Variants in LIPA observed in about 807,000 individuals in gnomAD.
LIPA encodes lipase A, lysosomal acid type.
A neutral mutation model predicts 40.6 loss-of-function variants in LIPA; 26 were observed. The observed-to-expected ratio is 0.64, with a 90% CI of 0.47 to 0.89. The LOEUF is 0.89. Among genes scored for constraint, LIPA ranks in the 40% least tolerant of loss-of-function variants. LIPA has a pLI of 0.00. For synonymous variants in LIPA, 188 were observed against 168.4 expected, an observed-to-expected ratio of 1.12 and a Z score of -0.90; for missense variants, 455 against 479.6, an observed-to-expected ratio of 0.95 and a Z score of 0.48.
At chr10:89,413,246 C>T (rs183000663) in intron 1 of LIPA, among the ~76,000 whole-genome samples, 1 of 152,254 alleles carries the variant, frequency 6.6e-6, no homozygotes, top group African/African-American at 2.4e-5. Context: ...TTTCTATTAA[C>T]TTATCAGTTT....
chr10:89,361,468 G>A (rs1257177134), intron 2 of LIPA, among the ~76,000 whole-genome samples: 8 of 152,170 alleles, frequency 5.3e-5, no homozygotes, highest in African/African-American at 1.4e-4. Context: ...AGAAAGGTGA[G>A]AAAGAGCTTC....
At chr10:89,368,526 T>G (rs1844073836) in intron 2 of LIPA, among the ~76,000 whole-genome samples, 1 of 152,230 alleles carries the variant, frequency 6.6e-6, no homozygotes, top group South Asian at 2.1e-4. Flanking sequence ...TCTCTTCTGC[T>G]GATGGATTTC....
chr10:89,258,161 CCAAGGTTCCATGA>C (rs910008093), intron 1 of LIPA, among the ~76,000 whole-genome samples: 2 of 152,148 alleles, frequency 1.3e-5, no homozygotes, highest in African/African-American at 4.8e-5. Context: ...TTGATTTTTA[CCAAGGTTCCATGA>C]CAATTCAATG....
At chr10:89,252,376 T>C (rs555930939), upstream of LIPA, among the ~76,000 whole-genome samples, 3 of 152,356 alleles carry the variant, frequency 2.0e-5, no homozygotes, top group South Asian at 4.1e-4. Flanking sequence ...AGTGGAGGTA[T>C]AGAAACCAAC....
chr10:89,319,340 G>C (rs1439784868), intron 1 of LIPA, among the ~76,000 whole-genome samples: 1 of 152,064 alleles, frequency 6.6e-6, no homozygotes. Flanking sequence ...AGAAAAGAGA[G>C]AAGAATCAAA....
At chr10:89,332,309 C>T (rs1843662372) in intron 1 of LIPA, among the ~76,000 whole-genome samples, 1 of 152,270 alleles carries the variant, frequency 6.6e-6, no homozygotes, top group African/African-American at 2.4e-5. Flanking sequence ...TGACATAACA[C>T]ATTTGGAAGC....
At chr10:89,253,532 T>C (rs111445995), upstream of LIPA, among the ~76,000 whole-genome samples, 874 of 152,300 alleles carry the variant, frequency 5.7e-3, 2 homozygotes, top group Non-Finnish European at 8.6e-3. Context: ...ACAGGAGCTA[T>C]AATTCAAGAT....
intron 3 of LIPA, among the ~76,000 whole-genome samples, chr10:89,236,456 T>C (rs1842905825): frequency 6.6e-6 from 1 of 152,226 alleles, no homozygotes; most frequent in African/African-American, 2.4e-5. Context: ...ATGTTTTTCA[T>C]CATGTTTAGC....
intron 8 of LIPA, among the ~76,000 whole-genome samples, chr10:89,219,240 C>T (rs1379914115): frequency 4.6e-5 from 7 of 151,530 alleles, no homozygotes; most frequent in Admixed American, 4.6e-4. Context: ...GGGTCACAGC[C>T]CTAGGAATTC....
At position 89,265,381 on chromosome 10, in the gene LIPA, G is replaced by A. The variant is rs551143625; in HGVS notation, c.-1-17732C>T. Reference sequence around the variant, plus strand: ...CATCTCCATGGAGTACACAGTCCTGGTCACACCTCCCCTGGTGCAGCTGGC... The same window carrying A: ...CATCTCCATGGAGTACACAGTCCTGATCACACCTCCCCTGGTGCAGCTGGC... On this transcript the variant is annotated intron_variant, in intron 1 of 5. Coordinates refer to the LIPA transcript ENST00000282673. Among the ~76,000 whole-genome samples, 18 of 152,262 alleles carry A rather than the reference G, an allele frequency of 1.2e-4. 1 individual carries two copies. The highest frequency in any genetic ancestry group is 4.1e-4 in the African/African-American group (17 of 41,556).
chr10:89,286,570 C>T (rs570218748), intron 1 of LIPA, among the ~76,000 whole-genome samples: 7 of 152,254 alleles, frequency 4.6e-5, no homozygotes, highest in South Asian at 2.1e-4. Flanking sequence ...AATCAGTTAG[C>T]GTTTAGGCTC....
At chr10:89,231,144 A>C (rs994241968) in intron 3 of LIPA, among the ~76,000 whole-genome samples, 1 of 152,244 alleles carries the variant, frequency 6.6e-6, no homozygotes, top group South Asian at 2.1e-4. Context: ...AGACTACTCT[A>C]AATTACAGCT....
chr10:89,377,944 C>T lies in LIPA; in HGVS notation c.61+34847G>A, dbSNP rs974157544. The T allele has an allele frequency of 8.8e-6, 5 of 571,174 alleles. 1 individual carries two copies. The highest frequency in any genetic ancestry group is 1.6e-5 in the Non-Finnish European group (5 of 315,962). 35.4% of individuals were successfully genotyped at this position (571,174 alleles called of 1,614,324 possible). On this transcript the variant is annotated intron_variant, in intron 2 of 8. Transcript: ENST00000371837. ...GTATTTGTAATCAAAGCAGAGACAGCCCTATTCCTCTGTATCATTTTCACC... is the reference window on the plus strand; with the variant it reads ...GTATTTGTAATCAAAGCAGAGACAGTCCTATTCCTCTGTATCATTTTCACC...
At chr10:89,413,266 T>C (rs983087898) in intron 1 of LIPA, among the ~76,000 whole-genome samples, 5 of 152,206 alleles carry the variant, frequency 3.3e-5, no homozygotes, top group African/African-American at 1.2e-4. Flanking sequence ...TTTAAATTTA[T>C]ATTAAATTAA....
rs550158462 is a variant in LIPA, at chr10:89,284,732, G to A, written c.-1-37083C>T. Among the ~76,000 whole-genome samples the A allele has an allele frequency of 2.6e-5, 4 of 152,292 alleles. No homozygotes were observed. In the South Asian group the frequency reaches 8.3e-4, roughly 32 times the overall value. On this transcript the variant is annotated intron_variant, in intron 1 of 5. Transcript: ENST00000282673. ...TGTATACGCTATATGTCAGGCCTCT[G>A]AGCCCAAGCTAAGCCATCATATACC...
intron 2 of LIPA, among the ~76,000 whole-genome samples, chr10:89,365,111 G>T (rs1189797166): frequency 3.9e-5 from 6 of 152,170 alleles, no homozygotes; most frequent in African/African-American, 1.4e-4. Flanking sequence ...GCTGACATGG[G>T]TGTAGAATTC....
Position 89,384,458 on chromosome 10 carries a change from A to G in LIPA, c.61+28333T>C, listed in dbSNP as rs1429345912. The G allele has an allele frequency of 5.0e-6, 8 of 1,614,106 alleles. No individual in the cohort carries two copies. In the East Asian group the frequency reaches 1.8e-4, roughly 36 times the overall value. ...GATCAGCTAAAGCAAGAGATTCATT[A>G]CCACTACGGCCGTTTCCAAGAACAT... On this transcript the variant is annotated intron_variant, in intron 2 of 8. Transcript: ENST00000371837.
chr10:89,410,745 C>A (rs1386967453), intron 2 of LIPA, among the ~76,000 whole-genome samples: 1 of 152,228 alleles, frequency 6.6e-6, no homozygotes, highest in Non-Finnish European at 1.5e-5. Flanking sequence ...CATTAAATAA[C>A]ACAGGGAAAC....
At chr10:89,316,159 G>A (rs1843540382) in intron 1 of LIPA, among the ~76,000 whole-genome samples, 1 of 152,174 alleles carries the variant, frequency 6.6e-6, no homozygotes, top group South Asian at 2.1e-4. Context: ...CATGAGTGAT[G>A]CAGAAGATGG....
Sources: gnomAD v4.1 joint callset for allele counts (sites outside exome capture counted in the v4.1 genomes callset) on GRCh38, gnomAD v4.1.1 for gene constraint, MANE v1.5 for transcripts, NCBI Gene and HGNC (gene_info 2026-07-23, HGNC 2026-07-21) for gene names.